SDCCAG8: variants seen among roughly 807,000 people sequenced by gnomAD.
SDCCAG8 encodes SHH signaling and ciliogenesis regulator SDCCAG8, also known as serologically defined colon cancer antigen 8.
A neutral mutation model predicts 101.8 loss-of-function variants in SDCCAG8; 74 were observed. The observed-to-expected ratio is 0.73, with a 90% CI of 0.60 to 0.88. SDCCAG8 has a LOEUF of 0.88. Among genes scored for constraint, SDCCAG8 ranks in the 40% least tolerant of loss-of-function variants. SDCCAG8 has a pLI of 0.00. For synonymous variants in SDCCAG8, 281 were observed against 292.9 expected, an observed-to-expected ratio of 0.96 and a Z score of 0.41; for missense variants, 787 against 822.6, an observed-to-expected ratio of 0.96 and a Z score of 0.53.
intron 7 of SDCCAG8, chr1:243,305,814 T>C (rs1254146964): frequency 6.6e-6 from 1 of 152,190 alleles, no homozygotes; most frequent in Non-Finnish European, 1.5e-5. Context: ...CTCAGCTGAT[T>C]GTGGTGGCTT....
intron 15 of SDCCAG8, among the ~76,000 whole-genome samples, chr1:243,423,273 C>T (rs2081131601): frequency 6.6e-6 from 1 of 151,994 alleles, no homozygotes; most frequent in South Asian, 2.1e-4. Context: ...TTGGAAAATA[C>T]AAAGAAGAAT....
chr1:243,339,971 A>G (rs1285610793), intron 10 of SDCCAG8, among the ~76,000 whole-genome samples: 1 of 152,246 alleles, frequency 6.6e-6, no homozygotes, highest in Non-Finnish European at 1.5e-5. Context: ...TTAAGAGCCT[A>G]GAAGAGTGAC....
intron 9 of SDCCAG8, among the ~76,000 whole-genome samples, chr1:243,326,474 T>C (rs942332519): frequency 7.9e-5 from 12 of 152,198 alleles, no homozygotes; most frequent in Non-Finnish European, 1.6e-4. Flanking sequence ...GTCACAAGGA[T>C]AGAAAATAAC....
intron 1 of SDCCAG8, among the ~76,000 whole-genome samples, chr1:243,262,385 C>T (rs780038318): frequency 6.6e-5 from 10 of 152,054 alleles, no homozygotes; most frequent in Non-Finnish European, 1.2e-4. Flanking sequence ...GGATTACAGG[C>T]ATGAGCCATT....
rs370541881 is a variant in SDCCAG8, at chr1:243,259,413, CAACAAA to C, written c.67+3192_67+3197del. Among the ~76,000 whole-genome samples the C allele has an allele frequency of 3.1e-3, 470 of 151,936 alleles. 6 individuals are homozygous for C. Among genetic ancestry groups the C allele is most frequent in the African/African-American group, 1.0e-2 (414 of 41,452 alleles). ...CAGAGCGAGACTCTGTCTCAAAAAA[CAACAAA>C]AACAAAAACAAAAACAAATTTCCTT... On this transcript the variant is annotated intron_variant, in intron 1 of 17. Coordinates refer to ENST00000366541, the MANE Select transcript of SDCCAG8 (RefSeq NM_006642.5).
chr1:243,364,109 G>T (rs1357957087), intron 12 of SDCCAG8, among the ~76,000 whole-genome samples: 1 of 152,004 alleles, frequency 6.6e-6, no homozygotes, highest in Non-Finnish European at 1.5e-5. Context: ...AGTACAGAAG[G>T]ATTTTTTTTT....
intron 12 of SDCCAG8, among the ~76,000 whole-genome samples, chr1:243,352,576 A>G (rs934129454): frequency 6.6e-6 from 1 of 152,216 alleles, no homozygotes; most frequent in African/African-American, 2.4e-5. Flanking sequence ...GACATTAGAC[A>G]TAAGACAACT....
At chr1:243,307,061 GTTTTTTT>G (rs576037723) in intron 7 of SDCCAG8, among the ~76,000 whole-genome samples, 2 of 135,492 alleles carry the variant, frequency 1.5e-5, no homozygotes. Context: ...GTTTTTTTTT[GTTTTTTT>G]TTTTTTTGAA....
At chr1:243,298,308 C>T (rs2071156351) in intron 6 of SDCCAG8, among the ~76,000 whole-genome samples, 1 of 150,628 alleles carries the variant, frequency 6.6e-6, no homozygotes, top group Admixed American at 6.6e-5. Flanking sequence ...GCTTTGGCCT[C>T]CCAAAGTGCC....
chr1:243,415,919 C>T (rs1558437063), intron 14 of SDCCAG8, 90 bp downstream of exon 14: 1 of 1,512,808 alleles, frequency 6.6e-7, no homozygotes, highest in Non-Finnish European at 9.0e-7. Context: ...ACACCTGTAA[C>T]CTTTGGCTGG....
chr1:243,404,065 A>G, intron 13 of SDCCAG8, among the ~76,000 whole-genome samples: 1 of 152,216 alleles, frequency 6.6e-6, no homozygotes, highest in Admixed American at 6.5e-5. Flanking sequence ...CCTGTTCTCT[A>G]AACTTCTGCC....
intron 16 of SDCCAG8, among the ~76,000 whole-genome samples, chr1:243,478,604 G>C (rs1662870030): frequency 6.6e-6 from 1 of 152,142 alleles, no homozygotes; most frequent in Non-Finnish European, 1.5e-5. Context: ...TCCTCAGGAA[G>C]AATTCCTTTA....
intron 10 of SDCCAG8, among the ~76,000 whole-genome samples, chr1:243,331,719 G>T (rs1325078487): frequency 6.6e-6 from 1 of 152,152 alleles, no homozygotes; most frequent in African/African-American, 2.4e-5. Flanking sequence ...TAGACTCCAG[G>T]TCTTCGGTGT....
At position 243,268,089 on chromosome 1, in the gene SDCCAG8, T is replaced by TC. The variant is rs2067779863; in HGVS notation, c.68-2016_68-2015insC. The TC allele has an allele frequency of 1.2e-4, 85 of 722,070 alleles. No homozygotes were observed. The South Asian group carries it at 1.3e-3, about 11-fold the overall frequency. 44.7% of individuals were successfully genotyped at this position (722,070 alleles called of 1,614,324 possible). A position where few individuals can be genotyped will look rare whatever the true frequency, so the allele number is the denominator to read the frequency against. ...AGACTAAGCGTTTGCTTCATGGTTG[T>TC]ATAGTTCCTCATTTTCTTTTGCTTC... On this transcript the variant is annotated intron_variant, in intron 1 of 17. Coordinates refer to ENST00000366541, the MANE Select transcript of SDCCAG8 (RefSeq NM_006642.5).
chr1:243,293,499 G>C (rs1275893984), intron 6 of SDCCAG8: 2 of 560,742 alleles, frequency 3.6e-6, no homozygotes, highest in East Asian at 4.2e-5. Context: ...CTTTCGGTCT[G>C]TATAAATTTG....
intron 16 of SDCCAG8, among the ~76,000 whole-genome samples, chr1:243,464,700 G>A (rs918373979): frequency 3.3e-5 from 5 of 152,220 alleles, no homozygotes; most frequent in Non-Finnish European, 7.3e-5. Flanking sequence ...CGTGTGAGGT[G>A]TGTAGGAAGT....
chr1:243,332,102 A>G (rs1469594676), intron 10 of SDCCAG8, among the ~76,000 whole-genome samples: 1 of 152,178 alleles, frequency 6.6e-6, no homozygotes, highest in Non-Finnish European at 1.5e-5. Context: ...GCCCAGGAAT[A>G]TAACACACCC....
chr1:243,386,326 A>T (rs1241197619), intron 13 of SDCCAG8, among the ~76,000 whole-genome samples: 2 of 152,222 alleles, frequency 1.3e-5, no homozygotes. Context: ...TATGTAAATT[A>T]CTAGAGAAAT....
At chr1:243,360,211 T>C (rs2490394) in intron 12 of SDCCAG8, among the ~76,000 whole-genome samples, 8,988 of 148,296 alleles carry the variant, frequency 0.061, 958 homozygotes, top group African/African-American at 0.21. Context: ...AGTGGCGCGA[T>C]CTCAGCTCAC....
Sources: gnomAD v4.1 joint callset for allele counts (sites outside exome capture counted in the v4.1 genomes callset) on GRCh38, gnomAD v4.1.1 for gene constraint, MANE v1.5 for transcripts, NCBI Gene and HGNC (gene_info 2026-07-23, HGNC 2026-07-21) for gene names.